The following ITPRID2 variants were observed in gnomAD, a reference collection of about 807,000 sequenced individuals.
ITPRID2 encodes ITPR interacting domain containing 2.
ITPRID2 carries 60 observed loss-of-function variants against 124.3 expected under a neutral mutation model. That is an observed-to-expected ratio of 0.48 (90% CI 0.39 to 0.60). ITPRID2 has a LOEUF of 0.60. Ranked by LOEUF, ITPRID2 falls within the 20% of genes least tolerant of loss-of-function variation. ITPRID2 has a pLI of 0.00. For synonymous variants in ITPRID2, 521 were observed against 542.9 expected (o/e 0.96, Z 0.56); for missense variants, 1,553 against 1,512.2 (o/e 1.03, Z -0.45).
Position 181,901,836 on chromosome 2 carries a change from C to T in ITPRID2, c.783C>T (p.Ser261=), listed in dbSNP as rs769313754. 87 of 1,613,726 alleles carry T rather than the reference C, an allele frequency of 5.4e-5. No individual in the cohort carries two copies. Among genetic ancestry groups the T allele is most frequent in the East Asian group, 2.0e-4 (9 of 44,872 alleles). Residue 261 remains serine, a synonymous_variant, in exon 8 of 18, where the codon TCC becomes TCT. Transcript: ENST00000431877. ...TTTCTTCTTTATATTCTCAAGTCTCCGGGACGCCCCTGCAGAGAATTGGAA... is the reference window on the plus strand; with the variant it reads ...TTTCTTCTTTATATTCTCAAGTCTCTGGGACGCCCCTGCAGAGAATTGGAA... ...NAFSSLYSQV[S]GTPLQRIGSM...
intron 16 of ITPRID2, among the ~76,000 whole-genome samples, chr2:181,926,721 A>G (rs1200995090): frequency 1.3e-5 from 2 of 152,106 alleles, no homozygotes; most frequent in Non-Finnish European, 2.9e-5. Flanking sequence ...TCAAAAAAAA[A>G]AAAAAAAAAG....
At chr2:181,926,464 A>G (rs1434453432) in intron 16 of ITPRID2, among the ~76,000 whole-genome samples, 1 of 152,140 alleles carries the variant, frequency 6.6e-6, no homozygotes, top group Non-Finnish European at 1.5e-5. Flanking sequence ...CTGTAATCCC[A>G]GCACTTTGGG....
rs1357342603 is a variant in ITPRID2, at chr2:181,896,843, A to G, written c.308-65A>G. 7.8e-7 allele frequency: 1 copy of G among 1,276,314 alleles called. No homozygotes were observed. The highest frequency in any genetic ancestry group is 1.1e-6 in the Non-Finnish European group (1 of 880,486). The allele number at this position is 1,276,314 out of a possible 1,614,324, so 79.1% of individuals were successfully genotyped here. Reference sequence around the variant, plus strand: ...TTTGCTGGGTGAATTTAACTAAAACAGTGATTTTATATGAGGGTGGAGAGG... The same window carrying G: ...TTTGCTGGGTGAATTTAACTAAAACGGTGATTTTATATGAGGGTGGAGAGG... On this transcript the variant is annotated intron_variant, in intron 3 of 17. Transcript: ENST00000431877. The surrounding 1 kb of genome is among the most constrained non-coding windows in gnomAD (Gnocchi z 4.3).
intron 8 of ITPRID2, among the ~76,000 whole-genome samples, chr2:181,906,387 A>G (rs1177568169): frequency 6.6e-6 from 1 of 152,192 alleles, no homozygotes; most frequent in Non-Finnish European, 1.5e-5. Flanking sequence ...ACTTACAGTT[A>G]CATTTGATCA....
At chr2:181,898,966 A>G in intron 5 of ITPRID2, 47 bp downstream of exon 5, 1 of 1,595,910 alleles carries the variant, frequency 6.3e-7, no homozygotes. Flanking sequence ...GAAGACCTTT[A>G]ATGAAAATAA....
At chr2:181,897,685 TTAA>T in intron 4 of ITPRID2, among the ~76,000 whole-genome samples, 1 of 152,078 alleles carries the variant, frequency 6.6e-6, no homozygotes, top group South Asian at 2.1e-4. Context: ...AGCTCAGTTA[TTAA>T]TGTGTACTTT....
chr2:181,916,554 T>A (rs1057016539), intron 11 of ITPRID2, 127 bp downstream of exon 11: 2 of 1,207,832 alleles, frequency 1.7e-6, no homozygotes, highest in African/African-American at 1.5e-5. Flanking sequence ...ATGTCTAAAC[T>A]TAATCTGCAT....
chr2:181,925,015 G>A (rs1248935523), intron 16 of ITPRID2, among the ~76,000 whole-genome samples: 2 of 152,210 alleles, frequency 1.3e-5, no homozygotes, highest in East Asian at 3.8e-4. Flanking sequence ...AAAATTAAAT[G>A]TCAAGGAGTA....
chr2:181,916,514 G>A, intron 11 of ITPRID2, 87 bp downstream of exon 11: 1 of 1,443,110 alleles, frequency 6.9e-7, no homozygotes, highest in Non-Finnish European at 9.3e-7. Context: ...GGCACATCAA[G>A]TATGAACTAC....
chr2:181,912,828 A>G (rs986984089), intron 9 of ITPRID2, among the ~76,000 whole-genome samples: 1 of 152,202 alleles, frequency 6.6e-6, no homozygotes, highest in African/African-American at 2.4e-5. Flanking sequence ...GTAAAACATT[A>G]TAGATCATAC....
At position 181,902,249 on chromosome 2, in the gene ITPRID2, C is replaced by T. The variant is rs764264570; in HGVS notation, c.1196C>T (p.Thr399Ile). ...ACTGAAAATGAACAAAGTAAAGAAA[C>T]TCAAAGTCATGAGAGTAAACTGGGT... is the stretch of plus-strand genomic sequence containing the variant. ...QGTENEQSKE[T>I]QSHESKLGEE... The change falls in exon 8 of 18, where the codon ACT becomes ATT. Residue 399 changes from threonine (T) to isoleucine (I), a missense_variant. Transcript: ENST00000431877. The surrounding 1 kb of genome is among the most constrained non-coding windows in gnomAD (Gnocchi z 4.4). The T allele has an allele frequency of 3.1e-6, 5 of 1,612,940 alleles. No homozygotes were observed. The highest frequency in any genetic ancestry group is 4.2e-6 in the Non-Finnish European group (5 of 1,179,382).
At position 181,900,697 on chromosome 2, in the gene ITPRID2, G is replaced by T. The variant is rs1319071186; in HGVS notation, c.505G>T (p.Val169Phe). 3.8e-6 allele frequency: 6 copies of T among 1,596,156 alleles called. No individual in the cohort carries two copies. The highest frequency in any genetic ancestry group is 3.5e-5 in the Admixed American group (2 of 56,786). The change falls in exon 7 of 18, where the codon GTT becomes TTT. Residue 169 changes from valine to phenylalanine, a missense_variant and splice_region_variant. By Grantham distance (50) the Val-to-Phe change is conservative. Coordinates refer to ENST00000431877, the MANE Select transcript of ITPRID2 (RefSeq NM_001130445.3). The stretch of plus-strand genomic sequence containing the variant: ...CTTTTTTGCCCCCTTTTTTTGTAGT[G>T]TTTCAGAATTGTTGGAACTTTATGA... ...SGKSSGTVSS[V>F]SELLELYEED...
chr2:181,905,391 T>C lies in ITPRID2; in HGVS notation c.1413+2925T>C, dbSNP rs908842813. ...AGTTATTAAATCCTGTTCTTGAATT[T>C]CTAATTATTCCAAATGACTTGCTTC... On this transcript the variant is annotated intron_variant, in intron 8 of 17. Transcript: ENST00000431877. The surrounding 1 kb of genome is among the most constrained non-coding windows in gnomAD (Gnocchi z 4.1). Among the ~76,000 whole-genome samples the C allele has an allele frequency of 3.3e-5, 5 of 152,202 alleles. No individual in the cohort carries two copies. Among genetic ancestry groups the C allele is most frequent in the Non-Finnish European group, 7.3e-5 (5 of 68,034 alleles).
chr2:181,902,096 AGAAG>A lies in ITPRID2; in HGVS notation c.1044_1047del (p.Lys350SerfsTer63). 6.2e-7 allele frequency: 1 copy of A among 1,610,698 alleles called. No homozygotes were observed. The highest frequency in any genetic ancestry group is 8.5e-7 in the Non-Finnish European group (1 of 1,178,910). ...GATCAAAAGTCTCAAAAAATTATGA[AGAAG>A]AAAGAGTCATCTTCTATGTTGGCTA... is the stretch of plus-strand genomic sequence containing the variant. On this transcript the variant is annotated frameshift_variant, in exon 8 of 18. Transcript: ENST00000431877. LOFTEE classifies it high-confidence loss of function. The surrounding 1 kb of genome is among the most constrained non-coding windows in gnomAD (Gnocchi z 4.4).
At chr2:181,898,942 T>G (rs901477176) in intron 5 of ITPRID2, 23 bp downstream of exon 5, 1 of 1,606,270 alleles carries the variant, frequency 6.2e-7, no homozygotes, top group South Asian at 1.1e-5. Context: ...TTTGTTCTAT[T>G]TCTTTTAAAA....
chr2:181,909,501 AT>A (rs932189920), intron 8 of ITPRID2, among the ~76,000 whole-genome samples: 19 of 152,040 alleles, frequency 1.2e-4, no homozygotes, highest in African/African-American at 4.1e-4. Context: ...TAATAGCAAC[AT>A]TTTTTTTGAA....
chr2:181,913,899 A>T lies in ITPRID2; in HGVS notation c.1541A>T (p.Asp514Val). The change falls in exon 10 of 18, where the codon GAT becomes GTT. Residue 514 changes from aspartate to valine, a missense_variant. By Grantham distance (152) the Asp-to-Val change is radical (BLOSUM62 -3). Transcript: ENST00000431877. ...TCCGATAGCAGTGGTTTTGCTGAAG[A>T]TTCTACAGACTGCCTATCCCTTAAT... Reference protein sequence around the residue: ...QHSDSSGFAEDSTDCLSLNHL... With the variant: ...QHSDSSGFAEVSTDCLSLNHL... The T allele has an allele frequency of 6.2e-7, 1 of 1,613,502 alleles. No homozygotes were observed.
Position 181,892,597 on chromosome 2 carries a change from C to T in ITPRID2, c.212-18C>T, listed in dbSNP as rs1449458924. 4.3e-6 allele frequency: 7 copies of T among 1,614,092 alleles called. No individual in the cohort carries two copies. The highest frequency in any genetic ancestry group is 5.9e-6 in the Non-Finnish European group (7 of 1,179,990). ...TGCTCCTGGGTGGTAACGTGCTGTC[C>T]CCTCTCTCTACCCCCAGGAAACGTG... On this transcript the variant is annotated intron_variant, in intron 1 of 17. Coordinates refer to ENST00000431877, the MANE Select transcript of ITPRID2 (RefSeq NM_001130445.3). This position sits in a 1 kb window ranked among gnomAD's most constrained non-coding sequence, Gnocchi z 5.2.
rs192305975 is a variant in ITPRID2, at chr2:181,910,410, G to C, written c.1486+439G>C. ...AAAACCCACCAATTTTTTAGCAATA[G>C]TTAAAGCTAGTTAAATTCAAACTAT... On this transcript the variant is annotated intron_variant, in intron 9 of 17. Transcript: ENST00000431877. The surrounding 1 kb of genome is among the most constrained non-coding windows in gnomAD (Gnocchi z 4.1). 26 of 519,154 alleles carry C rather than the reference G, an allele frequency of 5.0e-5. No homozygotes were observed. In the Admixed American group the frequency reaches 9.5e-4, roughly 19 times the overall value. 32.2% of individuals were successfully genotyped at this position (519,154 alleles called of 1,614,324 possible).
Sources: allele counts gnomAD v4.1 joint callset (sites outside exome capture counted in the v4.1 genomes callset), GRCh38; gene constraint gnomAD v4.1.1; non-coding constraint Gnocchi (gnomAD v3.1); transcripts MANE v1.5; gene names NCBI Gene and HGNC (gene_info 2026-07-23, HGNC 2026-07-21).